The following RAP1GAP2 variants were observed in gnomAD, a reference collection of about 807,000 sequenced individuals.
The protein encoded by RAP1GAP2 is RAP1 GTPase activating protein 2.
In RAP1GAP2, 27 loss-of-function variants were observed where a neutral mutation model predicts 95.0. That is an observed-to-expected ratio of 0.28 (90% CI 0.21 to 0.39). The LOEUF (loss-of-function observed/expected upper bound fraction) is 0.39. RAP1GAP2 is among the 10% of genes least tolerant of loss of function. RAP1GAP2 has a pLI of 1.00. For synonymous variants in RAP1GAP2, 373 were observed against 380.9 expected, an observed-to-expected ratio of 0.98 and a Z score of 0.24; for missense variants, 771 against 970.0, an observed-to-expected ratio of 0.79 and a Z score of 2.72.
chr17:2,855,851 C>T lies in RAP1GAP2; in HGVS notation c.81-49433C>T, dbSNP rs191060275. The stretch of plus-strand genomic sequence containing the variant: ...GTGGTCTCAAACTCCTGAGCTCAGG[C>T]GATCCACCTGCCTCGGCCTCTCAAA... On this transcript the variant is annotated intron_variant, in intron 2 of 24. Coordinates refer to ENST00000254695, the MANE Select transcript of RAP1GAP2 (RefSeq NM_015085.5). This position sits in a 1 kb window ranked among gnomAD's most constrained non-coding sequence, Gnocchi z 4.3. Among the ~76,000 whole-genome samples, 2 of 152,260 alleles carry T rather than the reference C, an allele frequency of 1.3e-5. No homozygotes were observed. The highest frequency in any genetic ancestry group is 2.4e-5 in the African/African-American group (1 of 41,558).
At chr17:2,796,037 G>A (rs1285406941), upstream of RAP1GAP2, among the ~76,000 whole-genome samples, 1 of 152,164 alleles carries the variant, frequency 6.6e-6, no homozygotes, top group Non-Finnish European at 1.5e-5. This position sits in a 1 kb window ranked among gnomAD's most constrained non-coding sequence, Gnocchi z 4.7. Flanking sequence ...CCGAGCCATG[G>A]TGGGGCAGGC....
At chr17:2,922,667 C>T (rs1325221652) in intron 3 of RAP1GAP2, among the ~76,000 whole-genome samples, 1 of 152,086 alleles carries the variant, frequency 6.6e-6, no homozygotes. Flanking sequence ...CCCTGCTGCC[C>T]CGGGACCTGG....
At chr17:2,876,422 G>A (rs982998162) in intron 2 of RAP1GAP2, among the ~76,000 whole-genome samples, 1 of 152,154 alleles carries the variant, frequency 6.6e-6, no homozygotes, top group Non-Finnish European at 1.5e-5. Flanking sequence ...CATGTAAGAT[G>A]TCCATTGGTT....
At chr17:2,936,264 C>G (rs578053541) in intron 3 of RAP1GAP2, among the ~76,000 whole-genome samples, 2 of 99,862 alleles carry the variant, frequency 2.0e-5, no homozygotes, top group African/African-American at 7.9e-5. Flanking sequence ...CCCCTCCCCC[C>G]ACCCAGTTTT....
intron 18 of RAP1GAP2, among the ~76,000 whole-genome samples, chr17:3,018,674 G>A (rs901919453): frequency 4.6e-5 from 7 of 152,188 alleles, no homozygotes; most frequent in African/African-American, 7.2e-5. Context: ...GCAGCTGCCC[G>A]AGATGGGTGC....
chr17:2,853,549 G>C (rs1012957406), intron 2 of RAP1GAP2, among the ~76,000 whole-genome samples: 1 of 150,942 alleles, frequency 6.6e-6, no homozygotes, highest in African/African-American at 2.4e-5. Context: ...GAGGGCGCCT[G>C]GGAGCCGGGC....
At chr17:2,895,146 G>T (rs759408019) in intron 2 of RAP1GAP2, among the ~76,000 whole-genome samples, 5 of 152,204 alleles carry the variant, frequency 3.3e-5, no homozygotes, top group Non-Finnish European at 5.9e-5. Flanking sequence ...GCACCTTTAC[G>T]TCACTACCAT....
At chr17:2,956,896 A>G (rs1401739893) in intron 3 of RAP1GAP2, among the ~76,000 whole-genome samples, 3 of 152,198 alleles carry the variant, frequency 2.0e-5, no homozygotes, top group African/African-American at 4.8e-5. Flanking sequence ...TGGGAGGCCA[A>G]GGCGGGAGGA....
At chr17:2,824,438 C>T (rs534986637) in intron 2 of RAP1GAP2, among the ~76,000 whole-genome samples, 66 of 120,408 alleles carry the variant, frequency 5.5e-4, no homozygotes, top group African/African-American at 2.0e-3. Flanking sequence ...CAGAGCTAGA[C>T]TCCATCTCAA....
chr17:2,861,044 T>C (rs1057017186), intron 2 of RAP1GAP2, among the ~76,000 whole-genome samples: 1 of 152,140 alleles, frequency 6.6e-6, no homozygotes, highest in African/African-American at 2.4e-5. Flanking sequence ...AGGCCTCCTT[T>C]CCACACTTGG....
intron 23 of RAP1GAP2, among the ~76,000 whole-genome samples, 170 bp downstream of exon 23, chr17:3,031,168 C>G (rs1247252260): frequency 6.6e-6 from 1 of 152,264 alleles, no homozygotes; most frequent in Non-Finnish European, 1.5e-5. Flanking sequence ...TCTCCGGGTT[C>G]CAGCCACCTT....
Position 2,903,985 on chromosome 17 carries a change from G to T in RAP1GAP2, c.81-1299G>T, listed in dbSNP as rs1293689094. 1.3e-5 allele frequency among the ~76,000 whole-genome samples: 2 copies of T among 152,162 alleles called. No individual in the cohort carries two copies. The highest frequency in any genetic ancestry group is 1.3e-4 in the Admixed American group (2 of 15,278). ...CTGGCAGGACTTGGGCTGGGAAGAG[G>T]GGCAGAAGGATTCTCTGGAGGTGGC... On this transcript the variant is annotated intron_variant, in intron 2 of 24. Transcript: ENST00000254695. The surrounding 1 kb of genome is among the most constrained non-coding windows in gnomAD (Gnocchi z 4.1).
intron 3 of RAP1GAP2, among the ~76,000 whole-genome samples, chr17:2,912,239 G>A (rs573607020): frequency 7.9e-5 from 12 of 152,306 alleles, no homozygotes; most frequent in African/African-American, 2.6e-4. Context: ...GAGCTGGGCT[G>A]GGCCTCCCTT....
At chr17:2,806,551 C>T (rs2069527974) in intron 2 of RAP1GAP2, among the ~76,000 whole-genome samples, 1 of 151,098 alleles carries the variant, frequency 6.6e-6, no homozygotes, top group Non-Finnish European at 1.5e-5. Context: ...GCCCACCGTG[C>T]CCGGCTACTT....
At chr17:2,920,195 T>C (rs2042711923) in intron 3 of RAP1GAP2, among the ~76,000 whole-genome samples, 4 of 152,122 alleles carry the variant, frequency 2.6e-5, no homozygotes, top group Admixed American at 2.6e-4. Context: ...TTTTTTTAAT[T>C]CGTAGAAGCA....
intron 4 of RAP1GAP2, among the ~76,000 whole-genome samples, chr17:2,959,662 G>A (rs868772981): frequency 3.9e-5 from 6 of 152,204 alleles, no homozygotes; most frequent in Non-Finnish European, 1.5e-5. Flanking sequence ...CGGGATTCCC[G>A]ATACCTAGCC....
chr17:2,816,629 A>T (rs1018167002), intron 2 of RAP1GAP2, among the ~76,000 whole-genome samples: 2 of 128,268 alleles, frequency 1.6e-5, no homozygotes, highest in South Asian at 2.4e-4. Flanking sequence ...AAGTCTTTTT[A>T]AAAAACTGTG....
chr17:2,781,487 GTTC>G (rs1204593732), intron 1 of RAP1GAP2, among the ~76,000 whole-genome samples: 2 of 152,216 alleles, frequency 1.3e-5, no homozygotes, highest in Admixed American at 6.5e-5. Flanking sequence ...GTTATATGTG[GTTC>G]TTCTGAGCAC....
chr17:2,942,550 G>C (rs1227522276), intron 3 of RAP1GAP2, among the ~76,000 whole-genome samples: 2 of 152,060 alleles, frequency 1.3e-5, no homozygotes, highest in African/African-American at 2.4e-5. Flanking sequence ...CTTTCTGCTG[G>C]ACAGCTTAGT....
Sources: gnomAD v4.1 joint callset for allele counts (sites outside exome capture counted in the v4.1 genomes callset) on GRCh38, gnomAD v4.1.1 for gene constraint, Gnocchi (gnomAD v3.1) non-coding constraint, MANE v1.5 for transcripts, NCBI Gene and HGNC (gene_info 2026-07-23, HGNC 2026-07-21) for gene names.